TEKT3: variants seen among roughly 807,000 people sequenced by gnomAD.
TEKT3 encodes the protein tektin 3.
In TEKT3, 49 loss-of-function variants were observed where a neutral mutation model predicts 49.8. The ratio of observed to expected loss-of-function variants is 0.98; its 90% CI spans 0.78 to 1.25. TEKT3 has a LOEUF of 1.25. Among genes scored for constraint, TEKT3 ranks in the 50% most tolerant of loss-of-function variants. The pLI, the probability that TEKT3 is intolerant of heterozygous loss-of-function variation, is 0.00. For synonymous variants in TEKT3, 225 were observed against 237.2 expected (o/e 0.95, Z 0.47); for missense variants, 595 against 629.5 (o/e 0.95, Z 0.59).
chr17:15,320,004 A>G (rs16951345), intron 4 of TEKT3, among the ~76,000 whole-genome samples: 7,693 of 152,254 alleles, frequency 0.051, 370 homozygotes, highest in African/African-American at 0.13. Flanking sequence ...ACCTTGATCA[A>G]TATTTAGACA....
intron 4 of TEKT3, among the ~76,000 whole-genome samples, chr17:15,322,397 A>G (rs1597411929): frequency 6.6e-6 from 1 of 152,100 alleles, no homozygotes; most frequent in East Asian, 1.9e-4. Flanking sequence ...GTAGATGCTG[A>G]GTGTTCAGTT....
intron 4 of TEKT3, among the ~76,000 whole-genome samples, chr17:15,322,722 T>C (rs1911318523): frequency 6.6e-6 from 1 of 152,186 alleles, no homozygotes; most frequent in Non-Finnish European, 1.5e-5. Context: ...AAACCTCCTG[T>C]CTAACAGGTG....
chr17:15,342,119 C>T (rs1458686310), upstream of TEKT3, among the ~76,000 whole-genome samples: 1 of 152,198 alleles, frequency 6.6e-6, no homozygotes, highest in Non-Finnish European at 1.5e-5. Flanking sequence ...CTCTCTTCAG[C>T]AAATATTTCC....
chr17:15,314,449 C>T (rs1174964305), intron 5 of TEKT3, among the ~76,000 whole-genome samples: 1 of 152,202 alleles, frequency 6.6e-6, no homozygotes. Context: ...CTACACTTCT[C>T]CTTTCATAGG....
intron 2 of TEKT3, among the ~76,000 whole-genome samples, chr17:15,337,063 G>GA (rs149496365): frequency 0.098 from 14,806 of 150,562 alleles, 874 homozygotes; most frequent in East Asian, 0.24. Flanking sequence ...TTTTGTTTCA[G>GA]AAAAAAAATA....
At chr17:15,308,540 A>G in intron 8 of TEKT3, 124 bp downstream of exon 8, 11 of 1,299,424 alleles carry the variant, frequency 8.5e-6, no homozygotes, top group Non-Finnish European at 1.2e-5. Context: ...CCCCATTACT[A>G]CCATTCTCAC....
rs890097040 is a variant in TEKT3, at chr17:15,340,079, T to A, written c.-63-18A>T. ...GTATGTACCTAGAGAAATGCAAATATGTTTACAATTAGAATGTACAAGAAT... is the reference window on the plus strand; with the variant it reads ...GTATGTACCTAGAGAAATGCAAATAAGTTTACAATTAGAATGTACAAGAAT... On this transcript the variant is annotated intron_variant, in intron 1 of 8. Transcript: ENST00000395930. 2.0e-5 allele frequency: 3 copies of A among 152,168 alleles called. No individual in the cohort carries two copies. The highest frequency in any genetic ancestry group is 2.9e-5 in the Non-Finnish European group (2 of 68,022). The allele number at this position is 152,168 out of a possible 1,614,324, so 9.4% of individuals were successfully genotyped here.
intron 3 of TEKT3, among the ~76,000 whole-genome samples, chr17:15,329,034 T>C (rs1239973984): frequency 6.6e-6 from 1 of 152,184 alleles, no homozygotes; most frequent in Non-Finnish European, 1.5e-5. Flanking sequence ...CTGATTATTT[T>C]GATATGTATT....
At chr17:15,314,054 C>G in intron 6 of TEKT3, 33 bp downstream of exon 6, 1 of 1,613,810 alleles carries the variant, frequency 6.2e-7, no homozygotes, top group East Asian at 2.2e-5. Context: ...TAAATGACAT[C>G]GAAATCACAG....
At chr17:15,330,288 A>G (rs184157287) in intron 3 of TEKT3, among the ~76,000 whole-genome samples, 2 of 152,310 alleles carry the variant, frequency 1.3e-5, no homozygotes, top group East Asian at 3.9e-4. Flanking sequence ...TATTTAAGAG[A>G]TAAGATGGTC....
intron 5 of TEKT3, 129 bp downstream of exon 5, chr17:15,318,948 T>C: frequency 3.0e-6 from 2 of 656,624 alleles, no homozygotes; most frequent in South Asian, 5.8e-5. Context: ...CATCTTAACA[T>C]TTGAATAAAA....
intron 3 of TEKT3, among the ~76,000 whole-genome samples, chr17:15,329,504 G>C (rs1017129635): frequency 1.3e-5 from 2 of 152,216 alleles, no homozygotes; most frequent in African/African-American, 4.8e-5. Context: ...AGGCAGTCAA[G>C]GGTAGGAAGA....
chr17:15,338,700 G>A (rs1201229588), intron 2 of TEKT3: 2 of 47,400 alleles, frequency 4.2e-5, no homozygotes, highest in African/African-American at 2.8e-4. Flanking sequence ...TTTTTTTTTA[G>A]TAGAGACGGG....
At chr17:15,332,902 C>A (rs896218176) in intron 2 of TEKT3, among the ~76,000 whole-genome samples, 1 of 152,090 alleles carries the variant, frequency 6.6e-6, no homozygotes, top group Non-Finnish European at 1.5e-5. Flanking sequence ...TATTCATATA[C>A]CAACATGTGT....
intron 8 of TEKT3, among the ~76,000 whole-genome samples, chr17:15,305,854 T>G (rs920147394): frequency 6.6e-6 from 1 of 152,058 alleles, no homozygotes; most frequent in African/African-American, 2.4e-5. Context: ...CACTGCTGCA[T>G]GGACACAACT....
intron 1 of TEKT3, among the ~76,000 whole-genome samples, chr17:15,341,297 G>A (rs1331007454): frequency 6.6e-6 from 1 of 152,226 alleles, no homozygotes; most frequent in Non-Finnish European, 1.5e-5. Flanking sequence ...CCCTTGAAAA[G>A]CATCAGAAAG....
intron 3 of TEKT3, among the ~76,000 whole-genome samples, chr17:15,330,787 C>T (rs536414630): frequency 3.9e-5 from 6 of 152,106 alleles, no homozygotes; most frequent in Non-Finnish European, 7.4e-5. Context: ...GCTTTGCATT[C>T]AGAATTACCT....
intron 2 of TEKT3, chr17:15,338,636 C>T (rs993120988): frequency 6.5e-6 from 1 of 152,892 alleles, no homozygotes; most frequent in African/African-American, 2.5e-5. Flanking sequence ...TCCAGCGTAG[C>T]TGGGACTACA....
At chr17:15,316,848 T>C (rs1349261807) in intron 5 of TEKT3, among the ~76,000 whole-genome samples, 2 of 152,158 alleles carry the variant, frequency 1.3e-5, no homozygotes, top group Non-Finnish European at 2.9e-5. Flanking sequence ...TTTTATGACT[T>C]TAGAACTGGG....
Sources: gnomAD v4.1 joint callset for allele counts (sites outside exome capture counted in the v4.1 genomes callset) on GRCh38, gnomAD v4.1.1 for gene constraint, MANE v1.5 for transcripts, NCBI Gene and HGNC (gene_info 2026-07-23, HGNC 2026-07-21) for gene names.